The following CMYA5 variants were observed in gnomAD, a reference collection of about 807,000 sequenced individuals.
CMYA5 encodes the protein cardiomyopathy-associated protein 5.
CMYA5 carries 246 observed loss-of-function variants against 318.9 expected under a neutral mutation model. The observed-to-expected ratio is 0.77, with a 90% CI of 0.70 to 0.86. The LOEUF (loss-of-function observed/expected upper bound fraction) is 0.86, where lower values mean the gene tolerates loss of function less well. Among genes scored for constraint, CMYA5 ranks in the 40% least tolerant of loss-of-function variants. The probability of loss-of-function intolerance (pLI) is 0.00; values close to 1 mark genes in which losing one functional copy is unlikely to be tolerated. For missense variants in CMYA5, 4,589 were observed against 4,678.2 expected (o/e 0.98, Z 0.56); for synonymous variants, 1,641 against 1,729.5 (o/e 0.95, Z 1.27).
chr5:79,763,253 A>G (rs754916753), intron 9 of CMYA5, 44 bp downstream of exon 9: 11 of 1,516,798 alleles, frequency 7.3e-6, no homozygotes, highest in Non-Finnish European at 9.7e-6. Context: ...GAGCCCAGTA[A>G]CCAAGCTCTG....
At chr5:79,712,840 A>G (rs772025095) in intron 1 of CMYA5, among the ~76,000 whole-genome samples, 4 of 152,216 alleles carry the variant, frequency 2.6e-5, no homozygotes, top group Non-Finnish European at 4.4e-5. Context: ...GAAGTCTATC[A>G]TGGCTCACTG....
At chr5:79,705,986 AC>A (rs900504309) in intron 1 of CMYA5, among the ~76,000 whole-genome samples, 25 of 152,238 alleles carry the variant, frequency 1.6e-4, no homozygotes, top group African/African-American at 5.8e-4. Context: ...CCCATCATCT[AC>A]TAGTACCCTG....
In CMYA5 at chr5:79,745,208, T is replaced by C; in HGVS notation, c.10735-14T>C. ...TTCATTCAGAAGTGGGCTTTTTTGC[T>C]TGTTTGTTTTCAGGAAAACTGTAGT... is the stretch of plus-strand genomic sequence containing the variant. On this transcript the variant is annotated splice_polypyrimidine_tract_variant and intron_variant, in intron 3 of 12. Transcript: ENST00000446378. The C allele has an allele frequency of 6.6e-7, 1 of 1,515,356 alleles. No homozygotes were observed. 93.9% of individuals were successfully genotyped at this position (1,515,356 alleles called of 1,614,324 possible).
At chr5:79,749,138 T>C (rs181520956) in intron 5 of CMYA5, among the ~76,000 whole-genome samples, 1 of 152,362 alleles carries the variant, frequency 6.6e-6, no homozygotes, top group Admixed American at 6.5e-5. Flanking sequence ...CATTGTCCAG[T>C]TGACAGTGAA....
rs549271441 is a variant in CMYA5, at chr5:79,724,256, G to A, written c.150-4659G>A. Among the ~76,000 whole-genome samples, 216 of 152,132 alleles carry A rather than the reference G, an allele frequency of 1.4e-3. 1 individual carries two copies. The highest frequency in any genetic ancestry group is 5.0e-3 in the African/African-American group (208 of 41,494). The stretch of plus-strand genomic sequence containing the variant: ...GGAGAATTGCTTGAACCCGGGAGGC[G>A]GAGGTTGCAGTGAGCCGAGATCGCA... On this transcript the variant is annotated intron_variant, in intron 1 of 12. Coordinates refer to ENST00000446378, the MANE Select transcript of CMYA5 (RefSeq NM_153610.5).
intron 1 of CMYA5, among the ~76,000 whole-genome samples, chr5:79,713,303 A>T (rs938770584): frequency 5.8e-5 from 1 of 17,220 alleles, no homozygotes; most frequent in Non-Finnish European, 1.2e-4. Context: ...CCCCGCCCCC[A>T]CCCCCCACCC....
chr5:79,754,235 C>T (rs1164089823), intron 6 of CMYA5, among the ~76,000 whole-genome samples: 1 of 152,162 alleles, frequency 6.6e-6, no homozygotes, highest in East Asian at 1.9e-4. Flanking sequence ...GAAGTCCTCA[C>T]CTGTGACCTG....
Position 79,730,163 on chromosome 5 carries a change from A to T in CMYA5, c.1398A>T (p.Ala466=), listed in dbSNP as rs780300512. 6.2e-7 allele frequency: 1 copy of T among 1,613,978 alleles called. No homozygotes were observed. Among genetic ancestry groups the T allele is most frequent in the Non-Finnish European group, 8.5e-7 (1 of 1,179,896 alleles). ...EQPDLTSIER[A]EPVSAKLTPT... ...CGGACCTGACTTCAATAGAAAGGGC[A>T]GAACCAGTCTCCGCAAAACTGACCC... Residue 466 remains alanine (A), a synonymous_variant, in exon 2 of 13, where the codon GCA becomes GCT. Transcript: ENST00000446378.
rs200715392 is a variant in CMYA5 at position 79,742,048 on chromosome 5, C to CTCTTCTTCTTCTTCT, written c.10639-1741_10639-1727dup. 2.6e-3 allele frequency among the ~76,000 whole-genome samples: 269 copies of CTCTTCTTCTTCTTCT among 102,506 alleles called. 2 individuals are homozygous for CTCTTCTTCTTCTTCT. The highest frequency in any genetic ancestry group is 0.013 in the African/African-American group (255 of 20,072). 67.2% of individuals were successfully genotyped at this position (102,506 alleles called of 152,430 possible). ...TTCCTCCTCCTCCTCCCTCTTTCTCCTCTTCTTCTTCTTCTTCTTCTTCTT... is the reference window on the plus strand; with the variant it reads ...TTCCTCCTCCTCCTCCCTCTTTCTCCTCTTCTTCTTCTTCTTCTTCTTCTTCTTCTTCTTCTTCTT... On this transcript the variant is annotated intron_variant, in intron 2 of 12. Transcript: ENST00000446378.
rs375306395 is a variant in CMYA5 at position 79,712,423 on chromosome 5, G to T, written c.150-16492G>T. On this transcript the variant is annotated intron_variant, in intron 1 of 12. Transcript: ENST00000446378. ...AGATGGGGTATCACCATGTTGGCCAGGCTGGTCTTGAACTCCTGCCCTCAA... is the reference window on the plus strand; with the variant it reads ...AGATGGGGTATCACCATGTTGGCCATGCTGGTCTTGAACTCCTGCCCTCAA... Among the ~76,000 whole-genome samples the T allele has an allele frequency of 9.2e-5, 14 of 152,080 alleles. No homozygotes were observed. The East Asian group carries it at 2.1e-3, about 23-fold the overall frequency.
At chr5:79,771,068 G>GAAAAAAA (rs200789494) in intron 9 of CMYA5, among the ~76,000 whole-genome samples, 1 of 99,430 alleles carries the variant, frequency 1.0e-5, no homozygotes. Context: ...AGGGAGAGAG[G>GAAAAAAA]AAAAAAAAAA....
intron 1 of CMYA5, among the ~76,000 whole-genome samples, chr5:79,717,169 TATAC>T (rs1373973586): frequency 2.0e-5 from 3 of 152,238 alleles, no homozygotes; most frequent in Non-Finnish European, 4.4e-5. Flanking sequence ...AGGACCTTTT[TATAC>T]TAGTTATACT....
rs534502866 is a variant in CMYA5, at chr5:79,747,855, A to C, written c.10991+742A>C. On this transcript the variant is annotated intron_variant, in intron 5 of 12. Coordinates refer to ENST00000446378, the MANE Select transcript of CMYA5 (RefSeq NM_153610.5). ...TCCTTTTAGTGTAATTTTAAATGTA[A>C]ATTTCTAAATTGTAAATACCATCTT... is the stretch of plus-strand genomic sequence containing the variant. Among the ~76,000 whole-genome samples the C allele has an allele frequency of 1.0e-3, 154 of 152,286 alleles. 1 individual carries two copies. The highest frequency in any genetic ancestry group is 3.3e-3 in the African/African-American group (138 of 41,576).
chr5:79,740,957 C>T lies in CMYA5; in HGVS notation c.10638+1554C>T, dbSNP rs140453001. On this transcript the variant is annotated intron_variant, in intron 2 of 12. Coordinates refer to ENST00000446378, the MANE Select transcript of CMYA5 (RefSeq NM_153610.5). ...AATCACAGCTCACTGCAGCCTTGAC[C>T]TCCCAGGCTCAAGTGATCCCTCTAC... 7.4e-3 allele frequency among the ~76,000 whole-genome samples: 1,129 copies of T among 152,274 alleles called. 13 individuals carry two copies. Among genetic ancestry groups the T allele is most frequent in the African/African-American group, 0.026 (1,076 of 41,556 alleles).
rs562695690 is a variant in CMYA5 at position 79,714,069 on chromosome 5, T to C, written c.150-14846T>C. ...GGTGGTTTTCCAGTCTGCTTGGAGG[T>C]TGGAGTAGCATTTGGAAGCATCTGC... On this transcript the variant is annotated intron_variant, in intron 1 of 12. Coordinates refer to ENST00000446378, the MANE Select transcript of CMYA5 (RefSeq NM_153610.5). 1.2e-3 allele frequency among the ~76,000 whole-genome samples: 186 copies of C among 152,250 alleles called. 2 individuals are homozygous for C. Among genetic ancestry groups the C allele is most frequent in the African/African-American group, 4.4e-3 (181 of 41,544 alleles).
At position 79,738,331 on chromosome 5, in the gene CMYA5, T is replaced by C; in HGVS notation, c.9566T>C (p.Leu3189Pro). ...DPEFLEEPPA[L>P]AFLYKDLYEE... The stretch of plus-strand genomic sequence containing the variant: ...GAATTTCTGGAGGAGCCACCTGCAC[T>C]TGCATTTTTATATAAGGATCTGTAT... Residue 3189 changes from leucine to proline, a missense_variant, in exon 2 of 13, where the codon CTT becomes CCT. Transcript: ENST00000446378. The C allele has an allele frequency of 6.2e-7, 1 of 1,613,704 alleles. No homozygotes were observed. The highest frequency in any genetic ancestry group is 8.5e-7 in the Non-Finnish European group (1 of 1,179,826).
intron 9 of CMYA5, among the ~76,000 whole-genome samples, chr5:79,776,168 A>AG (rs774509537): frequency 6.2e-4 from 95 of 152,136 alleles, no homozygotes; most frequent in Non-Finnish European, 1.3e-3. Context: ...GAATCACTTG[A>AG]GGCCAAGGAG....
rs767925980 is a variant in CMYA5 at position 79,733,091 on chromosome 5, A to G, written c.4326A>G (p.Glu1442=). The change falls in exon 2 of 13, where the codon GAA becomes GAG. Residue 1442 remains glutamate, a synonymous_variant. Transcript: ENST00000446378. Reference sequence around the variant, plus strand: ...TAGCTTGGTCAGAAGCAGAGAAGGAAATTAAATTTGATTCACTTCCAAGTG... The same window carrying G: ...TAGCTTGGTCAGAAGCAGAGAAGGAGATTAAATTTGATTCACTTCCAAGTG... ...KHLAWSEAEK[E]IKFDSLPSVS... 6.2e-7 allele frequency: 1 copy of G among 1,613,720 alleles called. No individual in the cohort carries two copies. The highest frequency in any genetic ancestry group is 8.5e-7 in the Non-Finnish European group (1 of 1,179,796).
intron 1 of CMYA5, among the ~76,000 whole-genome samples, chr5:79,722,486 G>C (rs919791028): frequency 6.6e-6 from 1 of 152,056 alleles, no homozygotes; most frequent in African/African-American, 2.4e-5. Context: ...AGACCAGCCT[G>C]GCCAACATGA....
Sources: allele counts gnomAD v4.1 joint callset (sites outside exome capture counted in the v4.1 genomes callset), GRCh38; gene constraint gnomAD v4.1.1; transcripts MANE v1.5; gene names NCBI Gene and HGNC (gene_info 2026-07-23, HGNC 2026-07-21).